The following SLC25A43 variants were observed in gnomAD, a reference collection of about 807,000 sequenced individuals.
SLC25A43 encodes the protein solute carrier family 25 member 43, also known as solute carrier family 25, member 43.
A neutral mutation model predicts 22.8 loss-of-function variants in SLC25A43; 10 were observed. The observed-to-expected ratio is 0.44, with a 90% CI of 0.27 to 0.74. SLC25A43 has a LOEUF of 0.74. SLC25A43 is among the 30% of genes least tolerant of loss of function. SLC25A43 has a pLI of 0.17. For synonymous variants in SLC25A43, 106 were observed against 121.6 expected, an observed-to-expected ratio of 0.87 and a Z score of 0.84; for missense variants, 233 against 279.1, an observed-to-expected ratio of 0.83 and a Z score of 1.18.
chrX:119,447,259 C>G (rs1385654459), intron 3 of SLC25A43, among the ~76,000 whole-genome samples: 1 of 110,925 alleles, frequency 9.0e-6, no homozygotes, highest in Non-Finnish European at 1.9e-5. Flanking sequence ...CAGCCCGATT[C>G]TCTCTTGAGT....
intron 3 of SLC25A43, among the ~76,000 whole-genome samples, chrX:119,442,254 C>T (rs1400650800): frequency 8.9e-6 from 1 of 112,008 alleles, no homozygotes; most frequent in African/African-American, 3.2e-5. Context: ...CATCCTAAGA[C>T]TGGATATAGA....
chrX:119,409,630 T>C (rs896310159), intron 2 of SLC25A43, among the ~76,000 whole-genome samples: 5 of 109,928 alleles, frequency 4.5e-5, no homozygotes, highest in African/African-American at 1.7e-4. Context: ...GGTTCTTTTT[T>C]TTGAGATGGA....
At chrX:119,451,164 C>CA (rs10713187) in intron 3 of SLC25A43, among the ~76,000 whole-genome samples, 19 of 108,839 alleles carry the variant, frequency 1.7e-4, no homozygotes, top group South Asian at 4.0e-4. Flanking sequence ...GACTCTGTCG[C>CA]AAAAAAAATA....
rs958179697 is a variant in SLC25A43, at chrX:119,426,203, G to A, written c.690+15841G>A. On this transcript the variant is annotated intron_variant, in intron 3 of 4. Transcript: ENST00000217909. ...ACAGAGCTGTTGCTTATTTGCCTAC[G>A]ACGGCTGTGTTCCTCTTGAGGCTGT... The A allele has an allele frequency of 1.2e-5, 9 of 753,932 alleles. No homozygotes were observed. In the East Asian group the frequency reaches 1.1e-3, roughly 89 times the overall value. 62.1% of individuals were successfully genotyped at this position (753,932 alleles called of 1,213,427 possible).
At chrX:119,423,547 A>G (rs201523421) in intron 3 of SLC25A43, 1 of 57,882 alleles carries the variant, frequency 1.7e-5, no homozygotes, top group African/African-American at 9.3e-5. Flanking sequence ...AAAAAAGAAA[A>G]GAAAGAAAAG....
chrX:119,453,130 A>G lies in SLC25A43; in HGVS notation c.*65A>G, dbSNP rs1452665424. 3 of 974,472 alleles carry G rather than the reference A, an allele frequency of 3.1e-6. No homozygotes were observed. In the African/African-American group the frequency reaches 5.7e-5, roughly 19 times the overall value. The allele number at this position is 974,472 out of a possible 1,213,427, so 80.3% of individuals were successfully genotyped here. On this transcript the variant is annotated 3_prime_UTR_variant, in exon 5 of 5. Coordinates refer to ENST00000217909, the MANE Select transcript of SLC25A43 (RefSeq NM_145305.3). ...TGCAATCACAGATAAATGTAGCCTC[A>G]TAACTGTGCACCTGAGGAGGGATGA...
Position 119,453,908 on chromosome X carries a change from GA to G in SLC25A43, c.*847del, listed in dbSNP as rs1400156603. The G allele has an allele frequency of 7.1e-5, 8 of 112,442 alleles. No individual in the cohort carries two copies. The highest frequency in any genetic ancestry group is 9.4e-5 in the Non-Finnish European group (5 of 53,289). The allele number at this position is 112,442 out of a possible 1,213,427, so 9.3% of individuals were successfully genotyped here. On this transcript the variant is annotated 3_prime_UTR_variant, in exon 5 of 5. Coordinates refer to ENST00000217909, the MANE Select transcript of SLC25A43 (RefSeq NM_145305.3). Reference sequence around the variant, plus strand: ...AATTATGCCTTATCAGAATCTAAATGAAAATAGCGAACATTTAAAAGCTATC... The same window carrying G: ...AATTATGCCTTATCAGAATCTAAATGAAATAGCGAACATTTAAAAGCTATC...
At chrX:119,407,004 A>G (rs1372982015) in intron 2 of SLC25A43, among the ~76,000 whole-genome samples, 1 of 113,179 alleles carries the variant, frequency 8.8e-6, no homozygotes, top group African/African-American at 3.2e-5. Context: ...GTGTACATAC[A>G]CATTGATATG....
At chrX:119,410,828 G>T (rs1320923691) in intron 3 of SLC25A43, among the ~76,000 whole-genome samples, 4 of 110,583 alleles carry the variant, frequency 3.6e-5, no homozygotes, top group Admixed American at 2.9e-4. Flanking sequence ...GGCAGAGGTT[G>T]CAGTGAGCTG....
At chrX:119,405,830 G>A (rs1016912765) in intron 1 of SLC25A43, among the ~76,000 whole-genome samples, 1 of 110,249 alleles carries the variant, frequency 9.1e-6, no homozygotes, top group Non-Finnish European at 1.9e-5. Flanking sequence ...TCAGGAGTTC[G>A]AGACCAGTCT....
chrX:119,412,241 C>T (rs771582990), intron 3 of SLC25A43, among the ~76,000 whole-genome samples: 1 of 112,282 alleles, frequency 8.9e-6, no homozygotes, highest in South Asian at 3.7e-4. Context: ...CTTGTCCAAA[C>T]AGATAATTGT....
chrX:119,426,362 T>A (rs1401563217), intron 3 of SLC25A43: 1 of 406,924 alleles, frequency 2.5e-6, no homozygotes, highest in East Asian at 2.0e-4. Flanking sequence ...AGGGTAAGAA[T>A]GGTGCCTACC....
chrX:119,435,457 CT>C (rs1175233726), intron 3 of SLC25A43, among the ~76,000 whole-genome samples: 68 of 54,713 alleles, frequency 1.2e-3, no homozygotes, highest in South Asian at 3.1e-3. Flanking sequence ...AGATTTTATT[CT>C]TTTTTTTTTT....
chrX:119,423,558 G>C (rs1158302934), intron 3 of SLC25A43: 2 of 108,998 alleles, frequency 1.8e-5, no homozygotes, highest in Non-Finnish European at 3.8e-5. Context: ...GAAAGAAAAG[G>C]AAAAAAAAGA....
At chrX:119,430,913 A>C (rs1205792848) in intron 3 of SLC25A43, among the ~76,000 whole-genome samples, 3 of 111,878 alleles carry the variant, frequency 2.7e-5, no homozygotes, top group Admixed American at 1.9e-4. Flanking sequence ...TCTCAGCCTA[A>C]AGAACTCATT....
At chrX:119,441,853 G>GC (rs1272975150) in intron 3 of SLC25A43, among the ~76,000 whole-genome samples, 1 of 111,433 alleles carries the variant, frequency 9.0e-6, no homozygotes, top group African/African-American at 3.3e-5. Context: ...ACTTTGGGAG[G>GC]CCGAGGCAGG....
At chrX:119,427,704 A>T (rs1375251771) in intron 3 of SLC25A43, among the ~76,000 whole-genome samples, 1 of 112,093 alleles carries the variant, frequency 8.9e-6, no homozygotes, top group Non-Finnish European at 1.9e-5. Flanking sequence ...TGGTTTGGGA[A>T]TTGGACAGCT....
At chrX:119,419,174 C>A (rs779462875) in intron 3 of SLC25A43, among the ~76,000 whole-genome samples, 5 of 111,744 alleles carry the variant, frequency 4.5e-5, no homozygotes, top group African/African-American at 1.6e-4. Flanking sequence ...GGCAGGCCTT[C>A]TGAAAGGATC....
At chrX:119,448,390 C>G (rs954520790) in intron 3 of SLC25A43, among the ~76,000 whole-genome samples, 1 of 111,630 alleles carries the variant, frequency 9.0e-6, no homozygotes, top group African/African-American at 3.3e-5. Flanking sequence ...ATAACCCCCC[C>G]CAGTGACCAG....
Sources: gnomAD v4.1 joint callset for allele counts (sites outside exome capture counted in the v4.1 genomes callset) on GRCh38, gnomAD v4.1.1 for gene constraint, MANE v1.5 for transcripts, NCBI Gene and HGNC (gene_info 2026-07-23, HGNC 2026-07-21) for gene names.